ANK2: variants seen among roughly 807,000 people sequenced by gnomAD.
ANK2 encodes ankyrin-2.
Under a neutral mutation model 360.5 loss-of-function variants are expected in ANK2, and 83 were observed. The observed-to-expected ratio is 0.23, with a 90% CI of 0.19 to 0.28. The LOEUF is 0.28. Among genes scored for constraint, ANK2 ranks in the 10% least tolerant of loss-of-function variants. The pLI is 1.00. For synonymous variants in ANK2, 1,740 were observed against 1,759.5 expected, an observed-to-expected ratio of 0.99 and a Z score of 0.28; for missense variants, 4,201 against 4,795.7, an observed-to-expected ratio of 0.88 and a Z score of 3.66.
chr4:113,360,776 T>C (rs1276591289), intron 38 of ANK2, 47 bp from the exon 39 acceptor site: 27 of 1,558,506 alleles, frequency 1.7e-5, no homozygotes, highest in Non-Finnish European at 2.4e-5. Context: ...GTGGTTCCTC[T>C]CCTGTCATAG....
chr4:113,379,872 G>A (rs1242968931), intron 45 of ANK2, among the ~76,000 whole-genome samples: 1 of 152,152 alleles, frequency 6.6e-6, no homozygotes, highest in Non-Finnish European at 1.5e-5. Context: ...TAGAGGTATT[G>A]GATGATGGCA....
intron 1 of ANK2, among the ~76,000 whole-genome samples, chr4:113,152,081 A>G (rs1405499376): frequency 2.3e-4 from 15 of 65,174 alleles, no homozygotes; most frequent in Non-Finnish European, 3.1e-4. Flanking sequence ...AAAAAAAAGA[A>G]AAAAAAAAAA....
At chr4:113,242,476 A>G (rs775781408) in intron 9 of ANK2, among the ~76,000 whole-genome samples, 10 of 152,240 alleles carry the variant, frequency 6.6e-5, no homozygotes, top group Admixed American at 2.0e-4. Context: ...TTCTGGGACC[A>G]AAGATCAAAG....
At chr4:113,007,802 G>A (rs1293466342) in intron 2 of ANK2, among the ~76,000 whole-genome samples, 1 of 152,136 alleles carries the variant, frequency 6.6e-6, no homozygotes, top group Non-Finnish European at 1.5e-5. Context: ...ACTTGCACTT[G>A]ACTAGTCTTA....
At chr4:112,847,021 C>T (rs181576178) in intron 1 of ANK2, among the ~76,000 whole-genome samples, 1 of 152,298 alleles carries the variant, frequency 6.6e-6, no homozygotes, top group Admixed American at 6.5e-5. Flanking sequence ...AGGATATAGT[C>T]ACATGGCCAT....
At chr4:112,983,149 T>G (rs2043652211) in intron 2 of ANK2, among the ~76,000 whole-genome samples, 1 of 152,236 alleles carries the variant, frequency 6.6e-6, no homozygotes, top group Non-Finnish European at 1.5e-5. Flanking sequence ...AAAACGGTCA[T>G]GCTGAATTTT....
At chr4:112,945,048 A>T (rs562237144) in intron 2 of ANK2, among the ~76,000 whole-genome samples, 1 of 152,360 alleles carries the variant, frequency 6.6e-6, no homozygotes, top group African/African-American at 2.4e-5. Context: ...CCCTAACCTT[A>T]GTTGCTTACA....
At chr4:113,163,610 C>G (rs149564301) in intron 1 of ANK2, among the ~76,000 whole-genome samples, 1,821 of 151,222 alleles carry the variant, frequency 0.012, 27 homozygotes, top group African/African-American at 0.042. Flanking sequence ...ACTAAAAATA[C>G]AAAATTAGCC....
rs188664739 is a variant in ANK2, at chr4:113,026,699, G to A, written c.21+122185G>A. Reference sequence around the variant, plus strand: ...TAGTAGCATGCAAAGAAAATAGATCGAAGTAGCTGGAGAGAATGGGATCAT... The same window carrying A: ...TAGTAGCATGCAAAGAAAATAGATCAAAGTAGCTGGAGAGAATGGGATCAT... On this transcript the variant is annotated intron_variant, in intron 2 of 30. Coordinates refer to the ANK2 transcript ENST00000503271. Among the ~76,000 whole-genome samples, 37 of 152,256 alleles carry A rather than the reference G, an allele frequency of 2.4e-4. No homozygotes were observed. The East Asian group carries it at 3.9e-3, about 16-fold the overall frequency.
At chr4:112,863,779 C>T (rs1046763797) in intron 1 of ANK2, among the ~76,000 whole-genome samples, 32 of 152,210 alleles carry the variant, frequency 2.1e-4, no homozygotes, top group African/African-American at 7.7e-4. Context: ...GCCTCGGCCT[C>T]CCAAAGTGCT....
intron 1 of ANK2, among the ~76,000 whole-genome samples, chr4:113,155,815 G>C (rs1325200953): frequency 6.6e-6 from 1 of 152,070 alleles, no homozygotes; most frequent in Non-Finnish European, 1.5e-5. Context: ...AGTGTGAATA[G>C]ACAAATCAAA....
intron 4 of ANK2, among the ~76,000 whole-genome samples, chr4:113,219,750 T>A (rs989579398): frequency 6.6e-6 from 1 of 152,182 alleles, no homozygotes; most frequent in Non-Finnish European, 1.5e-5. Flanking sequence ...AAATTATGTT[T>A]TTCTTACTAT....
the ANK2 span, among the ~76,000 whole-genome samples, chr4:112,748,036 G>A: frequency 2.6e-5 from 4 of 152,100 alleles, no homozygotes; most frequent in Admixed American, 2.0e-4. Context: ...TTGAGATGTA[G>A]TAAAAGCTGT....
chr4:113,306,853 C>A (rs2077455462), intron 23 of ANK2, among the ~76,000 whole-genome samples: 2 of 152,110 alleles, frequency 1.3e-5, no homozygotes, highest in South Asian at 4.1e-4. Context: ...TAAATAACAT[C>A]CTTATGGAGG....
At chr4:113,278,589 T>C (rs1276355155) in intron 17 of ANK2, 31 bp downstream of exon 17, 7 of 1,590,562 alleles carry the variant, frequency 4.4e-6, no homozygotes, top group South Asian at 1.1e-5. Flanking sequence ...TTTACAGGCA[T>C]AGGGTGTAAC....
the ANK2 span, among the ~76,000 whole-genome samples, chr4:112,810,043 A>T: frequency 6.7e-6 from 1 of 149,424 alleles, no homozygotes; most frequent in Non-Finnish European, 1.5e-5. Context: ...TATTTTTTTA[A>T]AGCATTTGGA....
In ANK2 at chr4:113,186,572, CTCTCTCTCTCTCTCT is replaced by C. The variant is rs1243616609; in HGVS notation, c.187-9780_187-9766del. Reference sequence around the variant, plus strand: ...GATATCTTCCCGTGTCTCTCTCTCTCTCTCTCTCTCTCTCTTCTCTCTCTCTCTCTCTCTCCCTCA... The same window carrying C: ...GATATCTTCCCGTGTCTCTCTCTCTCTCTCTCTCTCTCTCTCTCTCCCTCA... On this transcript the variant is annotated intron_variant, in intron 2 of 45. Transcript: ENST00000357077. Among the ~76,000 whole-genome samples, 192 of 84,898 alleles carry C rather than the reference CTCTCTCTCTCTCTCT, an allele frequency of 2.3e-3. 3 individuals carry two copies. The highest frequency in any genetic ancestry group is 0.019 in the Middle Eastern group (4 of 214). The allele number at this position is 84,898 out of a possible 152,430, so 55.7% of individuals were successfully genotyped here.
chr4:113,079,181 A>G (rs2081309713), intron 1 of ANK2, among the ~76,000 whole-genome samples: 1 of 152,144 alleles, frequency 6.6e-6, no homozygotes, highest in South Asian at 2.1e-4. Flanking sequence ...GTACCTTTTC[A>G]GTATAGTTGA....
chr4:113,329,806 G>T (rs7695472), intron 26 of ANK2, among the ~76,000 whole-genome samples: 2,449 of 152,268 alleles, frequency 0.016, 77 homozygotes, highest in African/African-American at 0.055. Context: ...ACTGCAATTT[G>T]GTCTTTCCTC....
Sources: gnomAD v4.1 joint callset for allele counts (sites outside exome capture counted in the v4.1 genomes callset) on GRCh38, gnomAD v4.1.1 for gene constraint, MANE v1.5 for transcripts, NCBI Gene and HGNC (gene_info 2026-07-23, HGNC 2026-07-21) for gene names.